CRTAC1: variants seen among roughly 807,000 people sequenced by gnomAD.
CRTAC1 encodes the protein acidic secreted protein in cartilage.
CRTAC1 carries 37 observed loss-of-function variants against 67.8 expected under a neutral mutation model. The ratio of observed to expected loss-of-function variants is 0.55; its 90% CI spans 0.42 to 0.72. CRTAC1 has a LOEUF of 0.72. Ranked by LOEUF, CRTAC1 falls within the 30% of genes least tolerant of loss-of-function variation. The pLI, the probability that CRTAC1 is intolerant of heterozygous loss-of-function variation, is 0.00. For missense variants in CRTAC1, 780 were observed against 931.6 expected, an observed-to-expected ratio of 0.84 and a Z score of 2.12; for synonymous variants, 348 against 371.0, an observed-to-expected ratio of 0.94 and a Z score of 0.71.
chr10:97,964,350 A>T (rs1258369738), intron 2 of CRTAC1, among the ~76,000 whole-genome samples: 3 of 152,206 alleles, frequency 2.0e-5, no homozygotes, highest in Non-Finnish European at 2.9e-5. Flanking sequence ...TTTGAGGACC[A>T]CTGTCCTGCA....
intron 2 of CRTAC1, among the ~76,000 whole-genome samples, chr10:97,961,178 T>G (rs528788301): frequency 6.6e-6 from 1 of 152,296 alleles, no homozygotes; most frequent in South Asian, 2.1e-4. Flanking sequence ...TAACAGGTTA[T>G]TGGTTCTACC....
At chr10:97,870,676 G>A (rs990876192) in intron 14 of CRTAC1, 6 of 152,140 alleles carry the variant, frequency 3.9e-5, no homozygotes, top group African/African-American at 1.4e-4. Flanking sequence ...TTAACGTTTT[G>A]TTAAATATCT....
intron 1 of CRTAC1, among the ~76,000 whole-genome samples, chr10:98,026,529 C>G (rs1195526137): frequency 6.6e-6 from 1 of 152,106 alleles, no homozygotes; most frequent in Non-Finnish European, 1.5e-5. Flanking sequence ...GCTCATTTCA[C>G]CAGGTAAAGC....
intron 3 of CRTAC1, 27 bp downstream of exon 3, chr10:97,936,143 G>C: frequency 6.4e-7 from 1 of 1,558,208 alleles, no homozygotes; most frequent in Non-Finnish European, 8.7e-7. Flanking sequence ...ATGGGAAGCA[G>C]GAAGAGGCCT....
chr10:97,954,508 A>G (rs755647213), intron 2 of CRTAC1, among the ~76,000 whole-genome samples: 2 of 152,204 alleles, frequency 1.3e-5, no homozygotes, highest in Non-Finnish European at 2.9e-5. Flanking sequence ...AATAGCAGAG[A>G]GGACTCCTGC....
At chr10:98,009,187 C>A (rs761856594) in intron 2 of CRTAC1, among the ~76,000 whole-genome samples, 1 of 152,224 alleles carries the variant, frequency 6.6e-6, no homozygotes, top group Non-Finnish European at 1.5e-5. Flanking sequence ...CAGAACTGTA[C>A]TGTCCAATTC....
chr10:98,024,030 A>G (rs1843174132), intron 1 of CRTAC1, among the ~76,000 whole-genome samples: 1 of 152,232 alleles, frequency 6.6e-6, no homozygotes, highest in South Asian at 2.1e-4. Flanking sequence ...TTTGCACAAC[A>G]TGATGCTTCC....
intron 11 of CRTAC1, among the ~76,000 whole-genome samples, chr10:97,891,833 G>A (rs2050378829): frequency 6.6e-6 from 1 of 152,244 alleles, no homozygotes; most frequent in Non-Finnish European, 1.5e-5. Context: ...GAGCTGCAGG[G>A]ATGGAACTGC....
rs775149674 is a variant in CRTAC1 at position 97,960,131 on chromosome 10, G to A, written c.225-23765C>T. Among the ~76,000 whole-genome samples the A allele has an allele frequency of 1.2e-4, 18 of 152,352 alleles. No individual in the cohort carries two copies. The South Asian group carries it at 1.7e-3, about 14-fold the overall frequency. On this transcript the variant is annotated intron_variant, in intron 2 of 14. Transcript: ENST00000370597. ...TTCTGGGGATGGTAGGAATGCTCCC[G>A]AAGTTCCCAGACATCAGCCAAAGGG...
At chr10:97,931,509 A>G (rs577605391) in intron 3 of CRTAC1, among the ~76,000 whole-genome samples, 2 of 152,368 alleles carry the variant, frequency 1.3e-5, no homozygotes, top group Non-Finnish European at 2.9e-5. Context: ...AAAATGAATG[A>G]GAAAGCTCTC....
At chr10:97,879,385 T>C (rs2050182456) in intron 14 of CRTAC1, among the ~76,000 whole-genome samples, 1 of 152,178 alleles carries the variant, frequency 6.6e-6, no homozygotes, top group South Asian at 2.1e-4. Context: ...CACGAGACAC[T>C]GGAGGATACA....
intron 11 of CRTAC1, among the ~76,000 whole-genome samples, chr10:97,894,121 G>C (rs2050416369): frequency 1.3e-5 from 2 of 152,170 alleles, no homozygotes; most frequent in South Asian, 4.2e-4. Context: ...CGATATGATA[G>C]CTGGGTCATA....
chr10:97,874,546 A>G (rs514709), intron 14 of CRTAC1, among the ~76,000 whole-genome samples: 135,355 of 152,148 alleles, frequency 0.89, 60,422 homozygotes, highest in Non-Finnish European at 0.92. Flanking sequence ...CTCTCCCACC[A>G]CAGGTGTCCT....
rs1843356176 is a variant in CRTAC1 at position 98,030,569 on chromosome 10, G to T, written c.-97C>A. ...CGCCGCCTGCTTGCTCCCAGCCCCGGTCCCGGGCTGGCCTCGAGCCTCCCG... is the reference window on the plus strand; with the variant it reads ...CGCCGCCTGCTTGCTCCCAGCCCCGTTCCCGGGCTGGCCTCGAGCCTCCCG... On this transcript the variant is annotated 5_prime_UTR_variant, in exon 1 of 15. Transcript: ENST00000370597. The surrounding 1 kb of genome is among the most constrained non-coding windows in gnomAD (Gnocchi z 4.2). The T allele has an allele frequency of 1.1e-6, 1 of 878,930 alleles. No homozygotes were observed. The highest frequency in any genetic ancestry group is 1.5e-6 in the Non-Finnish European group (1 of 662,514). 54.4% of individuals were successfully genotyped at this position (878,930 alleles called of 1,614,324 possible). A position where few individuals can be genotyped will look rare whatever the true frequency, so the allele number is the denominator to read the frequency against.
At chr10:97,874,898 A>G (rs910765439) in intron 14 of CRTAC1, among the ~76,000 whole-genome samples, 5 of 152,160 alleles carry the variant, frequency 3.3e-5, no homozygotes, top group South Asian at 4.2e-4. Flanking sequence ...AGCCCTCCAT[A>G]GCACGTATCA....
chr10:97,893,481 G>GT (rs571465652), intron 11 of CRTAC1, among the ~76,000 whole-genome samples: 112 of 152,226 alleles, frequency 7.4e-4, no homozygotes, highest in African/African-American at 2.4e-3. Context: ...GTTTCTCAAT[G>GT]TTTTTTCCAT....
intron 2 of CRTAC1, among the ~76,000 whole-genome samples, chr10:97,940,984 A>G (rs1298668317): frequency 2.0e-5 from 3 of 152,128 alleles, no homozygotes; most frequent in African/African-American, 7.2e-5. Flanking sequence ...CTCTGCAGGT[A>G]TATTTCTTTA....
At chr10:97,939,102 G>A (rs1436807746) in intron 2 of CRTAC1, among the ~76,000 whole-genome samples, 2 of 152,256 alleles carry the variant, frequency 1.3e-5, no homozygotes, top group East Asian at 3.9e-4. Context: ...CCCTTCCCCT[G>A]CACCCCTGCC....
chr10:97,930,539 G>A (rs1217804529), intron 3 of CRTAC1, among the ~76,000 whole-genome samples: 1 of 152,152 alleles, frequency 6.6e-6, no homozygotes, highest in Non-Finnish European at 1.5e-5. Context: ...TCTGGTGTGG[G>A]GCCTAACAGT....
Sources: allele counts gnomAD v4.1 joint callset (sites outside exome capture counted in the v4.1 genomes callset), GRCh38; gene constraint gnomAD v4.1.1; non-coding constraint Gnocchi (gnomAD v3.1); transcripts MANE v1.5; gene names NCBI Gene and HGNC (gene_info 2026-07-23, HGNC 2026-07-21).